Variants in STS observed in about 807,000 individuals in gnomAD.
STS encodes steryl-sulfatase.
A neutral mutation model predicts 26.8 loss-of-function variants in STS; 7 were observed. That is an observed-to-expected ratio of 0.26 (90% CI 0.15 to 0.49). STS has a LOEUF of 0.49. Ranked by LOEUF, STS falls within the 20% of genes least tolerant of loss-of-function variation. The pLI is 0.98. For missense variants in STS, 434 were observed against 465.6 expected (o/e 0.93, Z 0.63); for synonymous variants, 199 against 189.4 (o/e 1.05, Z -0.42).
chrX:7,184,266 G>T (rs1458824500), intron 1 of STS, among the ~76,000 whole-genome samples: 3 of 112,064 alleles, frequency 2.7e-5, no homozygotes, highest in Admixed American at 9.4e-5. Flanking sequence ...TTCAAATCTG[G>T]TTCTATTTTA....
At chrX:7,272,031 C>T (rs1230729190) in intron 6 of STS, among the ~76,000 whole-genome samples, 1 of 109,241 alleles carries the variant, frequency 9.2e-6, no homozygotes, top group Non-Finnish European at 1.9e-5. Context: ...GTGAGCAGTT[C>T]GAGGAGCCCA....
At position 7,351,229 on chromosome X, in the gene STS, C is replaced by A. The variant is rs138174104; in HGVS notation, c.*968C>A. ...ATTCAGAATCATTGGCCTAGAAAGT[C>A]TCTGATATTTGGAGGGGAACAAAAA... On this transcript the variant is annotated 3_prime_UTR_variant, in exon 11 of 11. Coordinates refer to ENST00000674429, the MANE Select transcript of STS (RefSeq NM_001320752.2). 1.7e-3 allele frequency: 187 copies of A among 111,941 alleles called. No individual in the cohort carries two copies. The highest frequency in any genetic ancestry group is 6.0e-3 in the African/African-American group (184 of 30,839). The allele number at this position is 111,941 out of a possible 1,213,427, so 9.2% of individuals were successfully genotyped here. A position where few individuals can be genotyped will look rare whatever the true frequency, so the allele number is the denominator to read the frequency against.
At chrX:7,332,287 C>T (rs1270381962) in intron 9 of STS, among the ~76,000 whole-genome samples, 1 of 108,014 alleles carries the variant, frequency 9.3e-6, no homozygotes, top group African/African-American at 3.4e-5. Context: ...GCTATGGTCG[C>T]GCCACCACAC....
At position 7,305,110 on chromosome X, in the gene STS, G is replaced by A. The variant is rs762415113; in HGVS notation, c.1008G>A (p.Ser336=). 21 of 1,208,953 alleles carry A rather than the reference G, an allele frequency of 1.7e-5. No homozygotes were observed. In the South Asian group the frequency reaches 1.8e-4, roughly 10 times the overall value. ...LANDTLIYFT[S]DQGAHVEEVS... is the part of the protein sequence containing the mutation. ...ATGATACCCTCATCTACTTCACATC[G>A]GACCAGGGAGCACATGTAGAAGAAG... Residue 336 remains serine (S), a synonymous_variant, in exon 8 of 11, where the codon TCG becomes TCA. Transcript: ENST00000674429.
At chrX:7,153,658 C>A (rs754350727) in intron 1 of STS, among the ~76,000 whole-genome samples, 1 of 82,247 alleles carries the variant, frequency 1.2e-5, no homozygotes, top group Non-Finnish European at 2.3e-5. Flanking sequence ...CCTCAACTCC[C>A]TCCCTCTCTC....
chrX:7,235,375 G>A lies in STS; in HGVS notation c.-4-17821G>A, dbSNP rs776583607. Reference sequence around the variant, plus strand: ...AGTCTGTACATTTGCTAAACTAACAGGGATGAGGAGCTTACACCAAGGTAA... The same window carrying A: ...AGTCTGTACATTTGCTAAACTAACAAGGATGAGGAGCTTACACCAAGGTAA... On this transcript the variant is annotated intron_variant, in intron 2 of 10. Transcript: ENST00000674429. Among the ~76,000 whole-genome samples, 36 of 112,285 alleles carry A rather than the reference G, an allele frequency of 3.2e-4. No homozygotes were observed. The South Asian group carries it at 0.012, about 37-fold the overall frequency.
chrX:7,282,874 ATAG>A (rs775031073), intron 7 of STS, among the ~76,000 whole-genome samples: 4 of 111,983 alleles, frequency 3.6e-5, no homozygotes, highest in African/African-American at 9.7e-5. Flanking sequence ...ATATATCAAA[ATAG>A]TAGTCCAACC....
At chrX:7,161,613 T>A (rs1933247108) in intron 1 of STS, among the ~76,000 whole-genome samples, 1 of 112,268 alleles carries the variant, frequency 8.9e-6, no homozygotes, top group Non-Finnish European at 1.9e-5. Context: ...TATAATGAAT[T>A]AAGATGTCCA....
Position 7,350,196 on chromosome X carries a change from T to C in STS, c.1672T>C (p.Cys558Arg). Residue 558 changes from cysteine (C) to arginine (R), a missense_variant, in exon 11 of 11, where the codon TGT becomes CGT. Around this residue, in one of 2 missense-constraint regions of STS, gnomAD observed 205 missense variants for 177.3 expected, o/e 1.16. Coordinates refer to ENST00000674429, the MANE Select transcript of STS (RefSeq NM_001320752.2). ...TTGGAAGCCCTGGCTTCAGCTGTGC[T>C]GTCCTTCCACCGGCCTGTCTTGCCA... ...FLWKPWLQLC[C>R]PSTGLSCQCD... The C allele has an allele frequency of 8.3e-7, 1 of 1,212,020 alleles. No homozygotes were observed. The highest frequency in any genetic ancestry group is 1.1e-6 in the Non-Finnish European group (1 of 895,459).
At chrX:7,336,239 G>GCCCCCCC (rs778077403) in intron 10 of STS, among the ~76,000 whole-genome samples, 22 of 88,741 alleles carry the variant, frequency 2.5e-4, no homozygotes, top group Non-Finnish European at 3.7e-4. Context: ...ACCTAGGACT[G>GCCCCCCC]CCCCCCCCAC....
In STS at chrX:7,180,366, T is replaced by C. The variant is rs147999334; in HGVS notation, c.-133-10514T>C. On this transcript the variant is annotated intron_variant, in intron 1 of 10. Coordinates refer to ENST00000674429, the MANE Select transcript of STS (RefSeq NM_001320752.2). Reference sequence around the variant, plus strand: ...CTCACATGCACAGTTCAAAATAGGGTTCACACTCCTATGAGAATCTAATGC... The same window carrying C: ...CTCACATGCACAGTTCAAAATAGGGCTCACACTCCTATGAGAATCTAATGC... 2.2e-3 allele frequency among the ~76,000 whole-genome samples: 250 copies of C among 111,419 alleles called. 3 individuals carry two copies. The highest frequency in any genetic ancestry group is 7.7e-3 in the African/African-American group (237 of 30,653).
intron 2 of STS, among the ~76,000 whole-genome samples, chrX:7,228,067 A>G (rs1921896218): frequency 8.9e-6 from 1 of 112,140 alleles, no homozygotes; most frequent in South Asian, 3.7e-4. Context: ...TTAAGGCTGC[A>G]TAGTATTCCA....
chrX:7,198,067 C>T (rs1569186251), intron 2 of STS, among the ~76,000 whole-genome samples: 1 of 111,705 alleles, frequency 9.0e-6, no homozygotes, highest in Non-Finnish European at 1.9e-5. Context: ...TCTGTAACCC[C>T]CCCAATGGAT....
rs1965311866 is a variant in STS at position 7,325,410 on chromosome X, G to C, written c.1153G>C (p.Ala385Pro). 1 of 1,211,289 alleles carries C rather than the reference G, an allele frequency of 8.3e-7. No homozygotes were observed. The highest frequency in any genetic ancestry group is 1.1e-6 in the Non-Finnish European group (1 of 895,189). The change falls in exon 9 of 11, where the codon GCT becomes CCT. Residue 385 changes from alanine (A) to proline (P), a missense_variant. Ala to Pro is a conservative substitution (Grantham distance 27). Coordinates refer to ENST00000674429, the MANE Select transcript of STS (RefSeq NM_001320752.2). ...GILRWPRVIQ[A>P]GQKIDEPTSN... is the part of the protein sequence containing the mutation. ...CCTTCGTTGGCCCAGGGTGATACAG[G>C]CTGGCCAGAAGATTGATGAGCCCAC... is the stretch of plus-strand genomic sequence containing the variant.
chrX:7,311,062 C>T (rs1926452134), intron 8 of STS, among the ~76,000 whole-genome samples: 1 of 111,913 alleles, frequency 8.9e-6, no homozygotes, highest in Non-Finnish European at 1.9e-5. Flanking sequence ...CTCTCTTTAA[C>T]CCCTATGTAT....
intron 6 of STS, among the ~76,000 whole-genome samples, chrX:7,270,883 C>T (rs1484088564): frequency 2.7e-5 from 3 of 111,841 alleles, no homozygotes; most frequent in African/African-American, 9.7e-5. Flanking sequence ...TATTATTTGC[C>T]GGTTGTGTCA....
In STS at chrX:7,253,241, C is replaced by T. The variant is rs777580571; in HGVS notation, c.42C>T (p.Ala14=). 36 of 1,209,198 alleles carry T rather than the reference C, an allele frequency of 3.0e-5. No individual in the cohort carries two copies. Among genetic ancestry groups the T allele is most frequent in the Non-Finnish European group, 3.5e-5 (31 of 894,866 alleles). The stretch of plus-strand genomic sequence containing the variant: ...TCCTACTGTTCTTTCTGTGGGAAGC[C>T]GAGAGCCACGCAGCATCAAGGCCGA... ...PFLLLFFLWE[A]ESHAASRPNI... Residue 14 remains alanine, a synonymous_variant, in exon 3 of 11, where the codon GCC becomes GCT. Transcript: ENST00000674429.
chrX:7,275,052 T>C lies in STS; in HGVS notation c.807-899T>C, dbSNP rs182385252. 1.6e-4 allele frequency among the ~76,000 whole-genome samples: 18 copies of C among 110,866 alleles called. No homozygotes were observed. In the South Asian group the frequency reaches 3.5e-3, roughly 21 times the overall value. ...AAGCCAGACACAGAAAGACAAATAC[T>C]GCAAGATCTCACTTCTATGTGGAAT... On this transcript the variant is annotated intron_variant, in intron 6 of 10. Coordinates refer to ENST00000674429, the MANE Select transcript of STS (RefSeq NM_001320752.2).
At chrX:7,275,413 A>G (rs1419955421) in intron 6 of STS, among the ~76,000 whole-genome samples, 1 of 111,698 alleles carries the variant, frequency 9.0e-6, no homozygotes, top group Non-Finnish European at 1.9e-5. Flanking sequence ...AAGTCTATAC[A>G]AGAATTATTT....
Sources: gnomAD v4.1 joint callset for allele counts (sites outside exome capture counted in the v4.1 genomes callset) on GRCh38, gnomAD v4.1.1 for gene constraint, gnomAD v4.1.1 regional missense constraint, MANE v1.5 for transcripts, NCBI Gene and HGNC (gene_info 2026-07-23, HGNC 2026-07-21) for gene names.